PLAC8L1: variants seen among roughly 807,000 people sequenced by gnomAD.
PLAC8L1 encodes the protein PLAC8 like 1.
In PLAC8L1, 13 loss-of-function variants were observed where a neutral mutation model predicts 16.3. The ratio of observed to expected loss-of-function variants is 0.80; its 90% confidence interval spans 0.52 to 1.27. PLAC8L1 has a LOEUF of 1.27. PLAC8L1 is among the 50% of genes most tolerant of loss of function. PLAC8L1 has a pLI of 0.00. For synonymous variants in PLAC8L1, 78 were observed against 79.3 expected, an observed-to-expected ratio of 0.98 and a Z score of 0.09; for missense variants, 184 against 220.2, an observed-to-expected ratio of 0.84 and a Z score of 1.04.
chr5:146,100,009 T>G (rs569876497), intron 1 of PLAC8L1, among the ~76,000 whole-genome samples: 1 of 152,250 alleles, frequency 6.6e-6, no homozygotes, highest in Admixed American at 6.5e-5. Flanking sequence ...TGCACAGGTT[T>G]CCAAGAATGA....
At chr5:146,099,033 T>TG (rs1356420305) in intron 1 of PLAC8L1, among the ~76,000 whole-genome samples, 3 of 152,176 alleles carry the variant, frequency 2.0e-5, no homozygotes. Flanking sequence ...GAAAACCTGG[T>TG]GGCTGGGCTT....
intron 1 of PLAC8L1, among the ~76,000 whole-genome samples, chr5:146,102,110 G>A (rs1032651258): frequency 7.0e-6 from 1 of 143,244 alleles, no homozygotes; most frequent in Non-Finnish European, 1.5e-5. Context: ...GGCTGGAGTT[G>A]AGCGGCATGA....
intron 2 of PLAC8L1, among the ~76,000 whole-genome samples, chr5:146,092,534 G>GTT (rs1561783507): frequency 5.3e-5 from 7 of 132,644 alleles, no homozygotes; most frequent in African/African-American, 1.9e-4. Flanking sequence ...AATCTTTGCA[G>GTT]ATTTTTTTTT....
chr5:146,098,389 C>A, intron 1 of PLAC8L1, 97 bp from the exon 2 acceptor site: 2 of 1,230,094 alleles, frequency 1.6e-6, no homozygotes, highest in East Asian at 2.6e-5. Flanking sequence ...GATAGGGACC[C>A]AATGATGCCA....
chr5:146,103,180 A>G (rs938173224), intron 1 of PLAC8L1, among the ~76,000 whole-genome samples: 15 of 152,048 alleles, frequency 9.9e-5, no homozygotes, highest in African/African-American at 3.6e-4. Flanking sequence ...TTTTTTTGAG[A>G]CAGAGTTTTG....
intron 1 of PLAC8L1, among the ~76,000 whole-genome samples, chr5:146,100,301 T>C (rs1019760661): frequency 6.6e-6 from 1 of 152,146 alleles, no homozygotes; most frequent in Admixed American, 6.5e-5. Context: ...GAAGAGGGGT[T>C]AGGGTTGGAA....
chr5:146,084,546 C>T lies in PLAC8L1; in HGVS notation c.420G>A (p.Ala140=), dbSNP rs767465564. ...TGGAAAAAGCCCAACAGCAGTGCAC[C>T]GCCAGCCAGTCTTCACACAGTGTGC... ...IQGTLCEDWL[A]VHCCWAFSIC... The change falls in exon 4 of 4, where the codon GCG becomes GCA. Residue 140 remains alanine (A), a synonymous_variant. Coordinates refer to ENST00000311450, the MANE Select transcript of PLAC8L1 (RefSeq NM_001029869.3). The T allele has an allele frequency of 9.3e-5, 150 of 1,613,782 alleles. No homozygotes were observed. Among genetic ancestry groups the T allele is most frequent in the South Asian group, 1.9e-4 (17 of 91,082 alleles).
At chr5:146,099,080 A>C (rs41338847) in intron 1 of PLAC8L1, among the ~76,000 whole-genome samples, 33,855 of 152,066 alleles carry the variant, frequency 0.22, 4,832 homozygotes, top group Admixed American at 0.34. Context: ...CTTTCTGAGG[A>C]TGAAAATCAG....
chr5:146,095,113 C>T (rs1444538359), intron 2 of PLAC8L1, among the ~76,000 whole-genome samples: 1 of 152,174 alleles, frequency 6.6e-6, no homozygotes, highest in African/African-American at 2.4e-5. Context: ...AATGAGTGTA[C>T]ACAGTAATAT....
chr5:146,104,528 TA>T lies in PLAC8L1; in HGVS notation c.-218del. On this transcript the variant is annotated 5_prime_UTR_variant, in exon 1 of 4. Transcript: ENST00000311450. ...TGGACACATTCATCTTACTAATCTG[TA>T]GGGAGATATTGCTGGAGTATAGAGT... The T allele has an allele frequency of 2.3e-6, 1 of 441,718 alleles. No individual in the cohort carries two copies. Among genetic ancestry groups the T allele is most frequent in the East Asian group, 4.6e-5 (1 of 21,772 alleles). The allele number at this position is 441,718 out of a possible 1,614,324, so 27.4% of individuals were successfully genotyped here.
intron 2 of PLAC8L1, among the ~76,000 whole-genome samples, chr5:146,085,810 G>T (rs1763500856): frequency 6.6e-6 from 1 of 152,086 alleles, no homozygotes; most frequent in South Asian, 2.1e-4. Context: ...TTAAACACTG[G>T]CAAAGATGAA....
At chr5:146,100,913 C>T (rs1471796172) in intron 1 of PLAC8L1, among the ~76,000 whole-genome samples, 1 of 152,048 alleles carries the variant, frequency 6.6e-6, no homozygotes, top group Non-Finnish European at 1.5e-5. Context: ...AGTTTGGTGG[C>T]CTTAGGCCAG....
intron 2 of PLAC8L1, among the ~76,000 whole-genome samples, chr5:146,094,812 A>C (rs1183367429): frequency 1.3e-5 from 2 of 152,232 alleles, no homozygotes; most frequent in Non-Finnish European, 2.9e-5. Flanking sequence ...AATGGAAATC[A>C]CTGCTGTTCA....
chr5:146,090,324 A>G (rs1561782950), intron 2 of PLAC8L1, among the ~76,000 whole-genome samples: 2 of 151,926 alleles, frequency 1.3e-5, no homozygotes, highest in African/African-American at 2.4e-5. Flanking sequence ...ATTTGAGGTC[A>G]GGAGTTTGAG....
At chr5:146,092,995 A>G (rs1763647559) in intron 2 of PLAC8L1, among the ~76,000 whole-genome samples, 1 of 152,116 alleles carries the variant, frequency 6.6e-6, no homozygotes, top group Non-Finnish European at 1.5e-5. Context: ...ATGTGTTTAC[A>G]GTGCTACCAC....
At position 146,087,525 on chromosome 5, in the gene PLAC8L1, T is replaced by C. The variant is rs150001233; in HGVS notation, c.257-1928A>G. On this transcript the variant is annotated intron_variant, in intron 2 of 3. Transcript: ENST00000311450. The stretch of plus-strand genomic sequence containing the variant: ...TATATTTTGTTTATTTATTTATGTA[T>C]TGATTGATTTTGAGACAGGGTGTCG... 2.6e-5 allele frequency among the ~76,000 whole-genome samples: 4 copies of C among 152,336 alleles called. No individual in the cohort carries two copies. The East Asian group carries it at 5.8e-4, about 22-fold the overall frequency.
chr5:146,084,495 C>T lies in PLAC8L1; in HGVS notation c.471G>A (p.Lys157=). Residue 157 remains lysine, a synonymous_variant, in exon 4 of 4, where the codon AAG becomes AAA. Coordinates refer to ENST00000311450, the MANE Select transcript of PLAC8L1 (RefSeq NM_001029869.3). The part of the protein sequence containing the change: ...FSICQVAREL[K]MRTSQVYEIC... ...TTTCATAGACTTGGGAGGTCCTCAT[C>T]TTGAGTTCCCGGGCCACCTGGCAGA... 1 of 1,614,220 alleles carries T rather than the reference C, an allele frequency of 6.2e-7. No individual in the cohort carries two copies. The highest frequency in any genetic ancestry group is 8.5e-7 in the Non-Finnish European group (1 of 1,180,040).
At chr5:146,085,409 A>C in intron 3 of PLAC8L1, 52 bp downstream of exon 3, 1 of 1,559,262 alleles carries the variant, frequency 6.4e-7, no homozygotes, top group Non-Finnish European at 8.7e-7. Context: ...TTTGGAAGGC[A>C]TCTAGGTTTT....
chr5:146,089,264 G>C (rs950449664), intron 2 of PLAC8L1, among the ~76,000 whole-genome samples: 1 of 152,010 alleles, frequency 6.6e-6, no homozygotes, highest in Non-Finnish European at 1.5e-5. Flanking sequence ...GATGCTGAAA[G>C]AAACATACCT....
Sources: allele counts gnomAD v4.1 joint callset (sites outside exome capture counted in the v4.1 genomes callset), GRCh38; gene constraint gnomAD v4.1.1; transcripts MANE v1.5; gene names NCBI Gene and HGNC (gene_info 2026-07-23, HGNC 2026-07-21).